The following ZFAND3 variants were observed in gnomAD, a reference collection of about 807,000 sequenced individuals.
ZFAND3 encodes the protein zinc finger AN1-type containing 3.
In ZFAND3, 10 loss-of-function variants were observed where a neutral mutation model predicts 29.6. The ratio of observed to expected loss-of-function variants is 0.34; its 90% CI spans 0.21 to 0.57. The LOEUF (loss-of-function observed/expected upper bound fraction) is 0.57. Ranked by LOEUF, ZFAND3 falls within the 20% of genes least tolerant of loss-of-function variation. The pLI, the probability that ZFAND3 is intolerant of heterozygous loss-of-function variation, is 0.86. For missense variants in ZFAND3, 230 were observed against 304.5 expected, an observed-to-expected ratio of 0.76 and a Z score of 1.82; for synonymous variants, 128 against 112.6, an observed-to-expected ratio of 1.14 and a Z score of -0.87.
chr6:38,110,354 A>G (rs969360671), intron 4 of ZFAND3, among the ~76,000 whole-genome samples: 22 of 152,292 alleles, frequency 1.4e-4, no homozygotes, highest in African/African-American at 5.3e-4. Context: ...TTCATGGCAC[A>G]CAGAGTAAAA....
Position 37,853,933 on chromosome 6 carries a change from G to A in ZFAND3, c.71+33917G>A, listed in dbSNP as rs563309124. 1.1e-4 allele frequency among the ~76,000 whole-genome samples: 16 copies of A among 152,036 alleles called. No homozygotes were observed. In the East Asian group the frequency reaches 3.1e-3, roughly 29 times the overall value. On this transcript the variant is annotated intron_variant, in intron 1 of 5. Transcript: ENST00000287218. The stretch of plus-strand genomic sequence containing the variant: ...GAAAACTGAAACACATAAAAATAGG[G>A]CTTTTGCCTTTTTAAAAAATTTTTT...
At chr6:37,939,545 A>C (rs1761775521) in intron 2 of ZFAND3, among the ~76,000 whole-genome samples, 1 of 152,190 alleles carries the variant, frequency 6.6e-6, no homozygotes. Context: ...AGGTGGGGAC[A>C]GGGACAGGGT....
intron 1 of ZFAND3, among the ~76,000 whole-genome samples, chr6:37,899,985 CAG>C (rs1472816407): frequency 6.6e-6 from 1 of 152,046 alleles, no homozygotes; most frequent in Non-Finnish European, 1.5e-5. Flanking sequence ...TGTTTTATAA[CAG>C]TGTATGTAGA....
intron 5 of ZFAND3, among the ~76,000 whole-genome samples, chr6:38,123,754 G>A (rs867627560): frequency 7.2e-5 from 11 of 152,232 alleles, no homozygotes; most frequent in Admixed American, 2.0e-4. Context: ...TGATGTGTCC[G>A]GAGTTTGTTC....
intron 5 of ZFAND3, among the ~76,000 whole-genome samples, chr6:38,119,035 C>A (rs1000531496): frequency 6.6e-6 from 1 of 152,212 alleles, no homozygotes; most frequent in Non-Finnish European, 1.5e-5. Context: ...CCTGAGCTTT[C>A]TGCAGTCTCA....
intron 2 of ZFAND3, among the ~76,000 whole-genome samples, chr6:37,946,491 T>C (rs999902934): frequency 6.6e-6 from 1 of 152,132 alleles, no homozygotes; most frequent in African/African-American, 2.4e-5. Context: ...TTACAATTTT[T>C]CCCCCCATTC....
At chr6:38,055,445 A>T (rs1446735612) in intron 2 of ZFAND3, among the ~76,000 whole-genome samples, 8 of 152,186 alleles carry the variant, frequency 5.3e-5, no homozygotes, top group Non-Finnish European at 1.2e-4. Context: ...AGAGTCAAAT[A>T]AAGCTGAGTC....
intron 2 of ZFAND3, among the ~76,000 whole-genome samples, chr6:38,041,048 A>C (rs768441641): frequency 4.6e-5 from 7 of 152,028 alleles, no homozygotes; most frequent in Non-Finnish European, 1.0e-4. Context: ...ACAGTCCCTT[A>C]GCCTGTTTTT....
chr6:37,873,256 C>T (rs553228585), intron 1 of ZFAND3, among the ~76,000 whole-genome samples: 150 of 152,174 alleles, frequency 9.9e-4, no homozygotes, highest in African/African-American at 3.4e-3. Flanking sequence ...GGTGACAGAG[C>T]GAGACTCCGT....
intron 5 of ZFAND3, chr6:38,142,284 G>A: frequency 2.1e-6 from 1 of 471,550 alleles, no homozygotes; most frequent in Non-Finnish European, 4.4e-6. Context: ...GAGATGTGTG[G>A]CATTTATAGT....
chr6:38,075,372 G>A (rs964462497), intron 3 of ZFAND3, among the ~76,000 whole-genome samples: 4 of 152,178 alleles, frequency 2.6e-5, no homozygotes, highest in African/African-American at 9.7e-5. Context: ...GATTTTGAGG[G>A]GTTCAAGACT....
chr6:37,946,484 C>A (rs1243893894), intron 2 of ZFAND3, among the ~76,000 whole-genome samples: 1 of 152,162 alleles, frequency 6.6e-6, no homozygotes, highest in Non-Finnish European at 1.5e-5. Context: ...CACAAAATTA[C>A]AATTTTTCCC....
intron 4 of ZFAND3, among the ~76,000 whole-genome samples, chr6:38,113,068 T>C (rs1167349899): frequency 6.6e-6 from 1 of 152,198 alleles, no homozygotes; most frequent in Non-Finnish European, 1.5e-5. Flanking sequence ...AGAGAGCATC[T>C]AACAGATCTT....
At chr6:38,132,471 C>T (rs1765760653) in intron 5 of ZFAND3, among the ~76,000 whole-genome samples, 1 of 152,214 alleles carries the variant, frequency 6.6e-6, no homozygotes, top group African/African-American at 2.4e-5. Flanking sequence ...CATGTCCCTG[C>T]ACTCCAGCCA....
At chr6:37,866,187 A>T (rs947761507) in intron 1 of ZFAND3, among the ~76,000 whole-genome samples, 1 of 152,212 alleles carries the variant, frequency 6.6e-6, no homozygotes, top group South Asian at 2.1e-4. Context: ...GGTGGATAGT[A>T]GGAGAGTTGA....
At position 38,144,210 on chromosome 6, in the gene ZFAND3, TAATATATA is replaced by T. The variant is rs1252247320; in HGVS notation, c.530-8023_530-8016del. 3.9e-3 allele frequency among the ~76,000 whole-genome samples: 146 copies of T among 37,028 alleles called. 3 individuals are homozygous for T. Among genetic ancestry groups the T allele is most frequent in the African/African-American group, 0.017 (119 of 6,844 alleles). 24.3% of individuals were successfully genotyped at this position (37,028 alleles called of 152,430 possible). ...ATATATATATATATATATATATATA[TAATATATA>T]ATATATATATATATTTTTTTTTTAA... On this transcript the variant is annotated intron_variant, in intron 5 of 5. Coordinates refer to ENST00000287218, the MANE Select transcript of ZFAND3 (RefSeq NM_021943.3).
chr6:37,872,498 A>C (rs1764712552), intron 1 of ZFAND3, among the ~76,000 whole-genome samples: 1 of 152,172 alleles, frequency 6.6e-6, no homozygotes, highest in Non-Finnish European at 1.5e-5. Flanking sequence ...GAATATTACC[A>C]AAACCTCAGA....
intron 2 of ZFAND3, 104 bp downstream of exon 2, chr6:37,930,103 A>G (rs1237551201): frequency 3.3e-5 from 38 of 1,142,548 alleles, no homozygotes; most frequent in Admixed American, 1.1e-4. Context: ...GGATTTATGC[A>G]TGGGGTTTTG....
chr6:38,061,047 T>C (rs769167402), intron 2 of ZFAND3, among the ~76,000 whole-genome samples: 2 of 152,246 alleles, frequency 1.3e-5, no homozygotes, highest in Non-Finnish European at 2.9e-5. Context: ...ATTTTGTTTA[T>C]CCTCTCATAT....
Sources: allele counts gnomAD v4.1 joint callset (sites outside exome capture counted in the v4.1 genomes callset), GRCh38; gene constraint gnomAD v4.1.1; transcripts MANE v1.5; gene names NCBI Gene and HGNC (gene_info 2026-07-23, HGNC 2026-07-21).